CADM2: variants seen among roughly 807,000 people sequenced by gnomAD.
CADM2 encodes cell adhesion molecule 2, also known as immunoglobulin superfamily member 4D.
In CADM2, 12 loss-of-function variants were observed where a neutral mutation model predicts 49.8. The ratio of observed to expected loss-of-function variants is 0.24; its 90% CI spans 0.15 to 0.39. The LOEUF is 0.39. Ranked by LOEUF, CADM2 falls within the 10% of genes least tolerant of loss-of-function variation. The pLI, the probability that CADM2 is intolerant of heterozygous loss-of-function variation, is 1.00. For synonymous variants in CADM2, 214 were observed against 175.4 expected, an observed-to-expected ratio of 1.22 and a Z score of -1.74; for missense variants, 378 against 492.3, an observed-to-expected ratio of 0.77 and a Z score of 2.20.
At chr3:85,586,586 C>A (rs2062952597) in intron 1 of CADM2, among the ~76,000 whole-genome samples, 2 of 152,056 alleles carry the variant, frequency 1.3e-5, no homozygotes, top group African/African-American at 4.8e-5. Context: ...TACAATTTAT[C>A]TTGGGAGCCC....
At chr3:85,810,910 A>T (rs1357024141) in intron 3 of CADM2, among the ~76,000 whole-genome samples, 5 of 152,196 alleles carry the variant, frequency 3.3e-5, no homozygotes, top group Non-Finnish European at 5.9e-5. Flanking sequence ...TTCTTTAAAC[A>T]TAAAGAAAAT....
rs150675996 is a variant in CADM2 at position 85,319,543 on chromosome 3, T to C, written c.61+359875T>C. ...CAATAGCAAACACAGGGAATCAACC[T>C]AAATGCCCATCAATGGCAGATCGGA... On this transcript the variant is annotated intron_variant, in intron 1 of 9. Transcript: ENST00000383699. Among the ~76,000 whole-genome samples the C allele has an allele frequency of 5.6e-4, 86 of 152,318 alleles. 1 individual carries two copies. The highest frequency in any genetic ancestry group is 7.9e-4 in the Non-Finnish European group (54 of 68,028).
chr3:86,008,155 A>G (rs184386416), intron 8 of CADM2, among the ~76,000 whole-genome samples: 3 of 152,236 alleles, frequency 2.0e-5, no homozygotes, highest in African/African-American at 7.2e-5. Context: ...GGGTTATTCT[A>G]AAGGATAGTA....
chr3:85,503,841 C>A (rs1320772958), intron 1 of CADM2, among the ~76,000 whole-genome samples: 1 of 152,198 alleles, frequency 6.6e-6, no homozygotes, highest in African/African-American at 2.4e-5. Flanking sequence ...GTGAATTTTA[C>A]AAACCTATAG....
intron 2 of CADM2, among the ~76,000 whole-genome samples, chr3:85,796,702 A>C (rs930552084): frequency 1.3e-5 from 2 of 152,100 alleles, no homozygotes; most frequent in Non-Finnish European, 2.9e-5. Context: ...GCCAATCAAC[A>C]CACTTCTGGG....
chr3:86,037,505 T>C (rs1337972088), intron 8 of CADM2, among the ~76,000 whole-genome samples: 3 of 152,158 alleles, frequency 2.0e-5, no homozygotes, highest in Non-Finnish European at 2.9e-5. Flanking sequence ...GGACACATTT[T>C]CTTGGGAAAA....
intron 6 of CADM2, among the ~76,000 whole-genome samples, chr3:85,916,314 C>T (rs1299611058): frequency 7.0e-6 from 1 of 143,728 alleles, no homozygotes; most frequent in Non-Finnish European, 1.5e-5. Context: ...AATACTATCC[C>T]TTCCCCCTCC....
intron 1 of CADM2, among the ~76,000 whole-genome samples, chr3:85,705,499 A>G (rs1401398375): frequency 2.0e-5 from 3 of 152,312 alleles, no homozygotes; most frequent in South Asian, 4.1e-4. Context: ...ACATGACAAT[A>G]CACACTGTAT....
chr3:85,637,313 G>A (rs1183886064), intron 1 of CADM2, among the ~76,000 whole-genome samples: 2 of 151,700 alleles, frequency 1.3e-5, no homozygotes, highest in Non-Finnish European at 2.9e-5. Flanking sequence ...AATTTAAAAG[G>A]TATTATTGGC....
chr3:85,344,323 G>A (rs962909713), intron 1 of CADM2, among the ~76,000 whole-genome samples: 1 of 151,718 alleles, frequency 6.6e-6, no homozygotes, highest in Non-Finnish European at 1.5e-5. Flanking sequence ...GGAGGTTACA[G>A]TGAGCAGAGA....
At chr3:85,073,017 A>G (rs1043787615) in intron 1 of CADM2, among the ~76,000 whole-genome samples, 1 of 152,134 alleles carries the variant, frequency 6.6e-6, no homozygotes, top group Non-Finnish European at 1.5e-5. Context: ...TTTTCATTGT[A>G]AGACTCTATT....
chr3:85,283,662 T>C (rs993496784), intron 1 of CADM2, among the ~76,000 whole-genome samples: 5 of 151,894 alleles, frequency 3.3e-5, no homozygotes, highest in Admixed American at 6.6e-5. Flanking sequence ...TATGACTCTT[T>C]AAGTGTGAGA....
intron 1 of CADM2, among the ~76,000 whole-genome samples, chr3:85,202,905 C>T (rs2041544245): frequency 6.6e-6 from 1 of 152,178 alleles, no homozygotes; most frequent in African/African-American, 2.4e-5. Flanking sequence ...GCTGCTTCAC[C>T]TAGCATTTTT....
chr3:85,129,874 G>A (rs1344666228), intron 1 of CADM2, among the ~76,000 whole-genome samples: 1 of 152,142 alleles, frequency 6.6e-6, no homozygotes, highest in East Asian at 1.9e-4. Flanking sequence ...TAATAACTGG[G>A]AAAATACCCA....
intron 1 of CADM2, among the ~76,000 whole-genome samples, chr3:85,494,908 G>A (rs931939044): frequency 2.0e-5 from 3 of 152,050 alleles, no homozygotes; most frequent in Non-Finnish European, 4.4e-5. Flanking sequence ...ATCAACCAGA[G>A]GATGAATGGG....
At chr3:85,782,152 A>G (rs2070689427) in intron 2 of CADM2, among the ~76,000 whole-genome samples, 1 of 152,192 alleles carries the variant, frequency 6.6e-6, no homozygotes, top group South Asian at 2.1e-4. Flanking sequence ...ATCAATTATT[A>G]TACTATGTTA....
intron 1 of CADM2, among the ~76,000 whole-genome samples, chr3:84,989,989 CT>C (rs763400176): frequency 3.7e-4 from 56 of 151,722 alleles, no homozygotes; most frequent in Non-Finnish European, 5.7e-4. Context: ...GTTACAGATT[CT>C]TAATAAGACA....
intron 1 of CADM2, among the ~76,000 whole-genome samples, chr3:85,638,773 C>T (rs1412563657): frequency 6.6e-6 from 1 of 151,866 alleles, no homozygotes; most frequent in East Asian, 1.9e-4. Flanking sequence ...TTATTTTTTT[C>T]TTTCTTTCTT....
chr3:85,798,023 T>C (rs964407314), intron 2 of CADM2, among the ~76,000 whole-genome samples: 44 of 152,134 alleles, frequency 2.9e-4, no homozygotes, highest in African/African-American at 1.0e-3. Context: ...ATGATGAACT[T>C]TTTTTTTCAT....
Sources: allele counts gnomAD v4.1 joint callset (sites outside exome capture counted in the v4.1 genomes callset), GRCh38; gene constraint gnomAD v4.1.1; transcripts MANE v1.5; gene names NCBI Gene and HGNC (gene_info 2026-07-23, HGNC 2026-07-21).